The following ASPSCR1 variants were observed in gnomAD, a reference collection of about 807,000 sequenced individuals.
The protein encoded by ASPSCR1 is ASPSCR1 tether for SLC2A4, UBX domain containing, also known as tether containing UBX domain for GLUT4.
Under a neutral mutation model 68.9 loss-of-function variants are expected in ASPSCR1, and 55 were observed. That is an observed-to-expected ratio of 0.80 (90% CI 0.64 to 1.00). The LOEUF (loss-of-function observed/expected upper bound fraction) is 1.00, where lower values mean the gene tolerates loss of function less well. Among genes scored for constraint, ASPSCR1 ranks in the 50% least tolerant of loss-of-function variants. The pLI is 0.00. For synonymous variants in ASPSCR1, 352 were observed against 332.6 expected, an observed-to-expected ratio of 1.06 and a Z score of -0.63; for missense variants, 765 against 762.2, an observed-to-expected ratio of 1.00 and a Z score of -0.04.
At chr17:82,017,252 G>A in intron 15 of ASPSCR1, 57 bp from the exon 16 acceptor site, 1 of 1,605,644 alleles carries the variant, frequency 6.2e-7, no homozygotes, top group Non-Finnish European at 8.5e-7. Context: ...TGGTGGGCGG[G>A]TGGCCGGGTG....
rs1319437071 is a variant in ASPSCR1 at position 82,017,289 on chromosome 17, C to T, written c.1649-20C>T. ...TGAGAGCCCGGGGTGTGTGGTCACCCTGATGTGTCTGCACTACAGCCAGCA... is the reference window on the plus strand; with the variant it reads ...TGAGAGCCCGGGGTGTGTGGTCACCTTGATGTGTCTGCACTACAGCCAGCA... On this transcript the variant is annotated intron_variant, in intron 15 of 15. Transcript: ENST00000306739. 6.2e-7 allele frequency: 1 copy of T among 1,610,914 alleles called. No homozygotes were observed. The highest frequency in any genetic ancestry group is 1.3e-5 in the African/African-American group (1 of 74,924).
Position 82,016,783 on chromosome 17 carries a change from C to G in ASPSCR1, c.1406-17C>G, listed in dbSNP as rs1242377960. 6.2e-7 allele frequency: 1 copy of G among 1,606,636 alleles called. No individual in the cohort carries two copies. Among genetic ancestry groups the G allele is most frequent in the Non-Finnish European group, 8.5e-7 (1 of 1,179,276 alleles). Reference sequence around the variant, plus strand: ...CCCCTCCTCAGAGGCTCAGGGTGAGCTTGGGCCTCCCTGCAGGTGTCTACC... The same window carrying G: ...CCCCTCCTCAGAGGCTCAGGGTGAGGTTGGGCCTCCCTGCAGGTGTCTACC... On this transcript the variant is annotated splice_polypyrimidine_tract_variant and intron_variant, in intron 13 of 15. Transcript: ENST00000306739.
intron 7 of ASPSCR1, among the ~76,000 whole-genome samples, chr17:81,998,418 CT>C (rs2042426035): frequency 6.6e-6 from 1 of 152,046 alleles, no homozygotes; most frequent in South Asian, 2.1e-4. Flanking sequence ...GTTTTTCTTC[CT>C]GTGTTGCAGC....
Position 81,990,098 on chromosome 17 carries a change from C to A in ASPSCR1, c.374+4491C>A, listed in dbSNP as rs1006239096. The stretch of plus-strand genomic sequence containing the variant: ...CCAATCACTCACTTTTTCTTGTAAC[C>A]GCATTAAAGAAGAAATAAAAACAGG... On this transcript the variant is annotated intron_variant, in intron 4 of 15. Coordinates refer to ENST00000306739, the MANE Select transcript of ASPSCR1 (RefSeq NM_024083.4). The surrounding 1 kb of genome is among the most constrained non-coding windows in gnomAD (Gnocchi z 4.1). Among the ~76,000 whole-genome samples, 1 of 152,140 alleles carries A rather than the reference C, an allele frequency of 6.6e-6. No homozygotes were observed. Among genetic ancestry groups the A allele is most frequent in the Non-Finnish European group, 1.5e-5 (1 of 68,034 alleles).
rs920291022 is a variant in ASPSCR1, at chr17:81,996,144, C to A, written c.506+79C>A. ...GTCTCAAAGGAAAGGAGAAAGGACACGTGGCAAGTGGGGAGTAGGTGTACC... is the reference window on the plus strand; with the variant it reads ...GTCTCAAAGGAAAGGAGAAAGGACAAGTGGCAAGTGGGGAGTAGGTGTACC... On this transcript the variant is annotated intron_variant, in intron 6 of 15. Coordinates refer to ENST00000306739, the MANE Select transcript of ASPSCR1 (RefSeq NM_024083.4). 5 of 1,450,372 alleles carry A rather than the reference C, an allele frequency of 3.4e-6. No homozygotes were observed. The East Asian group carries it at 9.6e-5, about 28-fold the overall frequency. 89.8% of individuals were successfully genotyped at this position (1,450,372 alleles called of 1,614,324 possible). A position where few individuals can be genotyped will look rare whatever the true frequency, so the allele number is the denominator to read the frequency against.
rs368707985 is a variant in ASPSCR1 at position 81,983,452 on chromosome 17, T to TGGATGGCGGGGCGTGGATGGTGGGACGG, written c.159-81_159-54dup. 26 of 959,956 alleles carry TGGATGGCGGGGCGTGGATGGTGGGACGG rather than the reference T, an allele frequency of 2.7e-5. No homozygotes were observed. The highest frequency in any genetic ancestry group is 4.1e-5 in the Non-Finnish European group (26 of 631,604). The allele number at this position is 959,956 out of a possible 1,614,324, so 59.5% of individuals were successfully genotyped here. On this transcript the variant is annotated intron_variant, in intron 2 of 15. Coordinates refer to ENST00000306739, the MANE Select transcript of ASPSCR1 (RefSeq NM_024083.4). This position sits in a 1 kb window ranked among gnomAD's most constrained non-coding sequence, Gnocchi z 4.4. ...GCCACAGGACGTGGATGGCGGGGCG[T>TGGATGGCGGGGCGTGGATGGTGGGACGG]GGATGGCGGGGCGTGGATGGTGGGA... is the stretch of plus-strand genomic sequence containing the variant.
At chr17:82,016,440 C>A (rs1019532721) in intron 12 of ASPSCR1, 36 bp from the exon 13 acceptor site, 1 of 1,534,830 alleles carries the variant, frequency 6.5e-7, no homozygotes, top group African/African-American at 1.4e-5. Context: ...GTGCTCTGCC[C>A]ACACCCGGCC....
chr17:81,986,778 G>C lies in ASPSCR1; in HGVS notation c.374+1171G>C, dbSNP rs1461879500. Among the ~76,000 whole-genome samples the C allele has an allele frequency of 7.7e-6, 1 of 130,168 alleles. No individual in the cohort carries two copies. Among genetic ancestry groups the C allele is most frequent in the East Asian group, 2.1e-4 (1 of 4,778 alleles). The allele number at this position is 130,168 out of a possible 152,430, so 85.4% of individuals were successfully genotyped here. A position where few individuals can be genotyped will look rare whatever the true frequency, so the allele number is the denominator to read the frequency against. On this transcript the variant is annotated intron_variant, in intron 4 of 15. Transcript: ENST00000306739. The surrounding 1 kb of genome is among the most constrained non-coding windows in gnomAD (Gnocchi z 5.2). ...GGGAAGGTGACTGTGCGTTGGGCGCGCTTGGTGGCCCCAGGGCTGGGCCTG... is the reference window on the plus strand; with the variant it reads ...GGGAAGGTGACTGTGCGTTGGGCGCCCTTGGTGGCCCCAGGGCTGGGCCTG...
chr17:81,991,684 C>A (rs1315342667), intron 4 of ASPSCR1, among the ~76,000 whole-genome samples: 1 of 152,256 alleles, frequency 6.6e-6, no homozygotes, highest in East Asian at 1.9e-4. Flanking sequence ...CTCTCCCAGG[C>A]TCTGTCTAGC....
chr17:82,003,152 A>G (rs932157197), intron 7 of ASPSCR1, among the ~76,000 whole-genome samples: 1 of 152,230 alleles, frequency 6.6e-6, no homozygotes, highest in African/African-American at 2.4e-5. Context: ...CCAGCCTAAA[A>G]TAACTTTTCT....
At chr17:82,002,068 C>T (rs1332713030) in intron 7 of ASPSCR1, among the ~76,000 whole-genome samples, 1 of 134,558 alleles carries the variant, frequency 7.4e-6, no homozygotes, top group East Asian at 2.1e-4. Flanking sequence ...AGTGCAGGGG[C>T]ACAATTACGG....
intron 4 of ASPSCR1, among the ~76,000 whole-genome samples, chr17:81,994,336 T>C (rs968506740): frequency 6.6e-6 from 1 of 152,150 alleles, no homozygotes; most frequent in Non-Finnish European, 1.5e-5. Flanking sequence ...TTCGGTGACA[T>C]CAGGCGTCGG....
intron 4 of ASPSCR1, among the ~76,000 whole-genome samples, chr17:81,993,403 C>T (rs949305455): frequency 2.0e-5 from 3 of 152,062 alleles, no homozygotes; most frequent in Non-Finnish European, 2.9e-5. Context: ...TTAGTAGAGA[C>T]GGGGTTTCAT....
intron 1 of ASPSCR1, 100 bp from the exon 2 acceptor site, chr17:81,979,084 C>G (rs1053633582): frequency 1.5e-6 from 2 of 1,326,936 alleles, no homozygotes; most frequent in Non-Finnish European, 2.2e-6. Context: ...GCAGAGCCAC[C>G]TGGCTCACCA....
Position 81,977,657 on chromosome 17 carries a change from C to T in ASPSCR1, c.11C>T (p.Pro4Leu). 7.2e-7 allele frequency: 1 copy of T among 1,395,336 alleles called. No individual in the cohort carries two copies. Among genetic ancestry groups the T allele is most frequent in the Non-Finnish European group, 9.3e-7 (1 of 1,071,424 alleles). The allele number at this position is 1,395,336 out of a possible 1,614,324, so 86.4% of individuals were successfully genotyped here. MAA[P>L]AGGGGSAVSV... is the part of the protein sequence containing the mutation. ...TCACGTGAGCGGAAAATGGCGGCCC[C>T]GGCAGGCGGCGGAGGCTCCGCGGTG... is the stretch of plus-strand genomic sequence containing the variant. Residue 4 changes from proline to leucine, a missense_variant, in exon 1 of 16, where the codon CCG (proline) becomes CTG (leucine). By Grantham distance (98) the Pro-to-Leu change is moderately conservative. Transcript: ENST00000306739. This position sits in a 1 kb window ranked among gnomAD's most constrained non-coding sequence, Gnocchi z 5.0.
At chr17:81,995,363 C>T in intron 5 of ASPSCR1, 1 of 256,958 alleles carries the variant, frequency 3.9e-6, no homozygotes, top group Non-Finnish European at 7.4e-6. Context: ...AGCTCCCTGG[C>T]TGGGGCTGTG....
intron 7 of ASPSCR1, among the ~76,000 whole-genome samples, chr17:81,998,408 G>A (rs1280954295): frequency 6.6e-6 from 1 of 152,054 alleles, no homozygotes; most frequent in Admixed American, 6.6e-5. Context: ...TCCTCTCATC[G>A]TTTTTCTTCC....
rs534638610 is a variant in ASPSCR1, at chr17:81,983,810, C to G, written c.273+142C>G. 1 of 656,800 alleles carries G rather than the reference C, an allele frequency of 1.5e-6. No homozygotes were observed. Among genetic ancestry groups the G allele is most frequent in the East Asian group, 2.8e-5 (1 of 35,162 alleles). 40.7% of individuals were successfully genotyped at this position (656,800 alleles called of 1,614,324 possible). On this transcript the variant is annotated intron_variant, in intron 3 of 15. Transcript: ENST00000306739. This position sits in a 1 kb window ranked among gnomAD's most constrained non-coding sequence, Gnocchi z 4.4. ...CAGTTCTGCCTTCCCTGGGTTGGGC[C>G]CAAACAGCTTCCTGTTTTTTGATAA...
rs2041993377 is a variant in ASPSCR1, at chr17:81,986,371, G to A, written c.374+764G>A. On this transcript the variant is annotated intron_variant, in intron 4 of 15. Transcript: ENST00000306739. This position sits in a 1 kb window ranked among gnomAD's most constrained non-coding sequence, Gnocchi z 5.2. ...CACTTGAGCCGTGGAGGCAGTTGCA[G>A]TGAGCCGAGATCGCACTGCTGCACT... Among the ~76,000 whole-genome samples the A allele has an allele frequency of 6.6e-6, 1 of 152,214 alleles. No individual in the cohort carries two copies. The highest frequency in any genetic ancestry group is 1.5e-5 in the Non-Finnish European group (1 of 68,046).
Sources: allele counts gnomAD v4.1 joint callset (sites outside exome capture counted in the v4.1 genomes callset), GRCh38; gene constraint gnomAD v4.1.1; non-coding constraint Gnocchi (gnomAD v3.1); transcripts MANE v1.5; gene names NCBI Gene and HGNC (gene_info 2026-07-23, HGNC 2026-07-21).